Variants in GGA2 observed in about 807,000 individuals in gnomAD.
GGA2 encodes golgi associated, gamma adaptin ear containing, ARF binding protein 2.
In GGA2, 48 loss-of-function variants were observed where a neutral mutation model predicts 79.5. That is an observed-to-expected ratio of 0.60 (90% CI 0.48 to 0.77). The LOEUF is 0.77. GGA2 is among the 30% of genes least tolerant of loss of function. The probability of loss-of-function intolerance (pLI) is 0.00; values close to 1 mark genes in which losing one functional copy is unlikely to be tolerated. For synonymous variants in GGA2, 317 were observed against 302.0 expected (o/e 1.05, Z -0.51); for missense variants, 770 against 774.0 (o/e 0.99, Z 0.06).
At chr16:23,503,791 C>A (rs1485201118) in intron 1 of GGA2, among the ~76,000 whole-genome samples, 1 of 152,106 alleles carries the variant, frequency 6.6e-6, no homozygotes, top group Non-Finnish European at 1.5e-5. Context: ...TTAAAAGTAC[C>A]TAATATGGGG....
chr16:23,503,273 G>A (rs1193501183), intron 1 of GGA2, among the ~76,000 whole-genome samples: 6 of 151,846 alleles, frequency 4.0e-5, no homozygotes, highest in Non-Finnish European at 7.4e-5. Context: ...TTGATTTTTT[G>A]TGTCTGAAGA....
upstream of GGA2, chr16:23,522,937 T>C (rs1965163584): frequency 6.6e-6 from 1 of 152,166 alleles, no homozygotes; most frequent in Admixed American, 6.5e-5. Context: ...CGATCCCTTG[T>C]CATGTGGAGC....
rs36067397 is a variant in GGA2 at position 23,470,825 on chromosome 16, CTTTTTTTTTTTTTT to C, written c.1451-674_1451-661del. On this transcript the variant is annotated intron_variant, in intron 14 of 16. Coordinates refer to ENST00000309859, the MANE Select transcript of GGA2 (RefSeq NM_015044.4). ...TTATCATTAAAAAATGAAATAAATGCTTTTTTTTTTTTTTTTTTTTTTGGACAGACTTTCGCTTT... is the reference window on the plus strand; with the variant it reads ...TTATCATTAAAAAATGAAATAAATGCTTTTTTTTGGACAGACTTTCGCTTT... Among the ~76,000 whole-genome samples, 5 of 56,112 alleles carry C rather than the reference CTTTTTTTTTTTTTT, an allele frequency of 8.9e-5. No individual in the cohort carries two copies. The Admixed American group carries it at 1.2e-3, about 13-fold the overall frequency. The allele number at this position is 56,112 out of a possible 152,430, so 36.8% of individuals were successfully genotyped here.
In GGA2 at chr16:23,467,387, AACACACACACACACACACACACACAC is replaced by A. The variant is rs57255054; in HGVS notation, c.*177_*202del. ...GCCCTGTGCTACCACCCTCTCCCCG[AACACACACACACACACACACACACAC>A]ACACACACACACACACACACAGAGC... On this transcript the variant is annotated 3_prime_UTR_variant, in exon 17 of 17. Transcript: ENST00000309859. The A allele has an allele frequency of 2.5e-4, 82 of 327,574 alleles. No individual in the cohort carries two copies. Among genetic ancestry groups the A allele is most frequent in the East Asian group, 3.3e-4 (6 of 18,450 alleles). The allele number at this position is 327,574 out of a possible 1,614,324, so 20.3% of individuals were successfully genotyped here.
chr16:23,478,816 C>T, intron 12 of GGA2, 67 bp downstream of exon 12: 1 of 1,119,930 alleles, frequency 8.9e-7, no homozygotes, highest in Non-Finnish European at 1.4e-6. Context: ...CCAGGCAGTG[C>T]TGCCTCACAA....
At chr16:23,489,288 G>A (rs1024638294) in intron 5 of GGA2, among the ~76,000 whole-genome samples, 15 of 152,206 alleles carry the variant, frequency 9.9e-5, no homozygotes, top group Non-Finnish European at 1.9e-4. Context: ...AGGCTAGAAT[G>A]CAGTGGTGTG....
chr16:23,478,922 G>A lies in GGA2; in HGVS notation c.1130-11C>T. ...GAGCATCACTGATTCCTGTAAGAAA[G>A]GAGTAGAGTGAGATGCCTAACAGTA... On this transcript the variant is annotated splice_polypyrimidine_tract_variant and intron_variant, in intron 11 of 16. Transcript: ENST00000309859. The A allele has an allele frequency of 3.1e-6, 5 of 1,590,062 alleles. No individual in the cohort carries two copies. The highest frequency in any genetic ancestry group is 4.3e-6 in the Non-Finnish European group (5 of 1,158,434).
At chr16:23,499,943 G>A (rs549804620) in intron 1 of GGA2, among the ~76,000 whole-genome samples, 1 of 152,360 alleles carries the variant, frequency 6.6e-6, no homozygotes, top group East Asian at 1.9e-4. Context: ...CAGGGCATGT[G>A]GAGGGGACTC....
chr16:23,468,764 G>C, intron 16 of GGA2, 122 bp downstream of exon 16: 1 of 622,808 alleles, frequency 1.6e-6, no homozygotes, highest in East Asian at 2.8e-5. Flanking sequence ...GTGAACCACT[G>C]TGCCCAGCAA....
chr16:23,507,905 A>G (rs1188641864), intron 1 of GGA2, among the ~76,000 whole-genome samples: 5 of 152,226 alleles, frequency 3.3e-5, no homozygotes, highest in African/African-American at 1.2e-4. Flanking sequence ...AGCTGCAGTG[A>G]GCTGAGATCA....
At position 23,467,387 on chromosome 16, in the gene GGA2, A is replaced by ACACACACACACACACACAC. The variant is rs1964451036; in HGVS notation, c.*202_*203insGTGTGTGTGTGTGTGTGTG. On this transcript the variant is annotated 3_prime_UTR_variant, in exon 17 of 17. Transcript: ENST00000309859. ...GCCCTGTGCTACCACCCTCTCCCCG[A>ACACACACACACACACACAC]ACACACACACACACACACACACACA... 3.2e-6 allele frequency: 1 copy of ACACACACACACACACACAC among 308,086 alleles called. No homozygotes were observed. Among genetic ancestry groups the ACACACACACACACACACAC allele is most frequent in the African/African-American group, 2.9e-5 (1 of 34,512 alleles). The allele number at this position is 308,086 out of a possible 1,614,324, so 19.1% of individuals were successfully genotyped here. A position where few individuals can be genotyped will look rare whatever the true frequency, so the allele number is the denominator to read the frequency against.
At chr16:23,493,549 T>C (rs777047654) in intron 3 of GGA2, 91 bp from the exon 4 acceptor site, 4 of 840,230 alleles carry the variant, frequency 4.8e-6, no homozygotes, top group Non-Finnish European at 6.2e-6. Flanking sequence ...GAGACTGCGC[T>C]GGAACCAAGG....
In GGA2 at chr16:23,510,423, C is replaced by G. The variant is rs544520902; in HGVS notation, c.-12G>C. 2 of 1,163,794 alleles carry G rather than the reference C, an allele frequency of 1.7e-6. No individual in the cohort carries two copies. The highest frequency in any genetic ancestry group is 2.2e-5 in the South Asian group (1 of 44,922). 72.1% of individuals were successfully genotyped at this position (1,163,794 alleles called of 1,614,324 possible). ...GCGGTCGCCGCCATCGCTCCAGCCC[C>G]GACGCTGCGGCCGCGGGCGCCACTG... On this transcript the variant is annotated 5_prime_UTR_variant, in exon 1 of 17. Transcript: ENST00000309859.
chr16:23,485,792 G>A (rs1183688050), intron 8 of GGA2, among the ~76,000 whole-genome samples: 2 of 152,202 alleles, frequency 1.3e-5, no homozygotes, highest in Non-Finnish European at 2.9e-5. Flanking sequence ...AAGAGTCTGG[G>A]AGTTGTCAGC....
At chr16:23,504,155 C>T (rs747382259) in intron 1 of GGA2, among the ~76,000 whole-genome samples, 1 of 151,804 alleles carries the variant, frequency 6.6e-6, no homozygotes, top group African/African-American at 2.4e-5. Context: ...CAGGTTGGCA[C>T]GATCATCTAC....
chr16:23,473,673 T>G (rs1007604786), intron 14 of GGA2, among the ~76,000 whole-genome samples: 5 of 152,128 alleles, frequency 3.3e-5, no homozygotes, highest in African/African-American at 2.4e-5. Context: ...TGTATTTTTG[T>G]TTTTAACTTT....
At chr16:23,513,549 T>G (rs1965085932), upstream of GGA2, among the ~76,000 whole-genome samples, 2 of 152,164 alleles carry the variant, frequency 1.3e-5, no homozygotes, top group African/African-American at 4.8e-5. Flanking sequence ...TTTGGGAGGC[T>G]GAGGCGTGCA....
Position 23,478,381 on chromosome 16 carries a change from C to G in GGA2, c.1279G>C (p.Ala427Pro), listed in dbSNP as rs1032124080. ...NLLDLLSAQP[A>P]PCPLNYVSQK... ...CAGAAGACTCACAGAGGGCACGGAGCTGGCTGTGCTGAGAGGAGGTCCAGC... is the reference window on the plus strand; with the variant it reads ...CAGAAGACTCACAGAGGGCACGGAGGTGGCTGTGCTGAGAGGAGGTCCAGC... Residue 427 changes from alanine to proline, a missense_variant, in exon 13 of 17, where the codon GCT (alanine) becomes CCT (proline). Ala to Pro is a conservative substitution (Grantham distance 27). Transcript: ENST00000309859. The G allele has an allele frequency of 6.2e-7, 1 of 1,600,120 alleles. No individual in the cohort carries two copies. Among genetic ancestry groups the G allele is most frequent in the East Asian group, 2.2e-5 (1 of 44,680 alleles).
intron 14 of GGA2, among the ~76,000 whole-genome samples, chr16:23,472,184 GTTTTTTTTTTTTTT>G (rs749688834): frequency 3.6e-4 from 20 of 54,866 alleles, no homozygotes; most frequent in South Asian, 7.8e-4. Flanking sequence ...TGTAGCCCTG[GTTTTTTTTTTTTTT>G]TTTTTTTTTT....
Sources: allele counts gnomAD v4.1 joint callset (sites outside exome capture counted in the v4.1 genomes callset), GRCh38; gene constraint gnomAD v4.1.1; transcripts MANE v1.5; gene names NCBI Gene and HGNC (gene_info 2026-07-23, HGNC 2026-07-21).